Variants in LIMCH1 observed in about 807,000 individuals in gnomAD.
LIMCH1 encodes LIM and calponin homology domains 1.
In LIMCH1, 113 loss-of-function variants were observed where a neutral mutation model predicts 176.5. That is an observed-to-expected ratio of 0.64 (90% confidence interval 0.55 to 0.75). The LOEUF (loss-of-function observed/expected upper bound fraction) is 0.75. Ranked by LOEUF, LIMCH1 falls within the 30% of genes least tolerant of loss-of-function variation. The pLI, the probability that LIMCH1 is intolerant of heterozygous loss-of-function variation, is 0.00. For synonymous variants in LIMCH1, 619 were observed against 645.9 expected (o/e 0.96, Z 0.63); for missense variants, 1,674 against 1,814.9 (o/e 0.92, Z 1.41).
intron 1 of LIMCH1, among the ~76,000 whole-genome samples, chr4:41,428,745 T>C (rs1461689015): frequency 6.6e-6 from 1 of 152,126 alleles, no homozygotes; most frequent in African/African-American, 2.4e-5. Context: ...AGATTTCAGG[T>C]TGGATTGAGG....
intron 1 of LIMCH1, among the ~76,000 whole-genome samples, chr4:41,418,342 C>T (rs2060118948): frequency 6.6e-6 from 1 of 152,186 alleles, no homozygotes; most frequent in South Asian, 2.1e-4. Flanking sequence ...CGTTTTTCTC[C>T]ATTCACCTGG....
intron 1 of LIMCH1, among the ~76,000 whole-genome samples, chr4:41,575,704 T>C (rs377594173): frequency 1.3e-5 from 2 of 152,334 alleles, no homozygotes; most frequent in East Asian, 3.9e-4. Context: ...AAAGGAGCTG[T>C]GTCTTTTTTT....
intron 4 of LIMCH1, chr4:41,609,519 C>A (rs1196407117): frequency 5.0e-6 from 2 of 402,526 alleles, no homozygotes; most frequent in African/African-American, 4.1e-5. Context: ...TCAGGGTGAG[C>A]CACCTTACAA....
chr4:41,572,905 G>C (rs78509913), intron 1 of LIMCH1, among the ~76,000 whole-genome samples: 1 of 152,156 alleles, frequency 6.6e-6, no homozygotes, highest in African/African-American at 2.4e-5. Flanking sequence ...GTGACATCAC[G>C]GAAGTACCTA....
intron 1 of LIMCH1, among the ~76,000 whole-genome samples, chr4:41,562,016 T>C (rs918192706): frequency 6.6e-6 from 1 of 152,200 alleles, no homozygotes; most frequent in Non-Finnish European, 1.5e-5. Context: ...TCATTATTGC[T>C]TGTGGGTTTG....
chr4:41,482,822 T>G (rs1303917305), intron 1 of LIMCH1, among the ~76,000 whole-genome samples: 1 of 152,178 alleles, frequency 6.6e-6, no homozygotes, highest in African/African-American at 2.4e-5. Flanking sequence ...TTGGAGTAGG[T>G]TCCATTAGCA....
At chr4:41,683,313 C>T (rs1468385484) in intron 26 of LIMCH1, among the ~76,000 whole-genome samples, 1 of 152,130 alleles carries the variant, frequency 6.6e-6, no homozygotes. Flanking sequence ...CAGCTAGAGA[C>T]CCCCTGGAGC....
intron 1 of LIMCH1, among the ~76,000 whole-genome samples, chr4:41,421,549 C>T (rs996351521): frequency 3.9e-5 from 6 of 152,138 alleles, no homozygotes; most frequent in Non-Finnish European, 8.8e-5. Context: ...TGTTATCTCT[C>T]CTTTACATAT....
At chr4:41,437,979 G>C (rs1277044689) in intron 1 of LIMCH1, among the ~76,000 whole-genome samples, 1 of 152,188 alleles carries the variant, frequency 6.6e-6, no homozygotes, top group Non-Finnish European at 1.5e-5. Flanking sequence ...TCCATTCCAT[G>C]ATGCACTGAA....
intron 24 of LIMCH1, among the ~76,000 whole-genome samples, chr4:41,680,542 T>C (rs1714871939): frequency 1.3e-5 from 2 of 152,220 alleles, no homozygotes; most frequent in Admixed American, 1.3e-4. Context: ...TTGTTTAGGT[T>C]CATTTTGTTT....
At chr4:41,625,676 G>A (rs189533116) in intron 7 of LIMCH1, among the ~76,000 whole-genome samples, 6 of 152,224 alleles carry the variant, frequency 3.9e-5, no homozygotes, top group Non-Finnish European at 7.4e-5. Flanking sequence ...CACTTGAAAT[G>A]AGTCTTGCCA....
intron 1 of LIMCH1, among the ~76,000 whole-genome samples, chr4:41,405,957 A>T: frequency 6.6e-6 from 1 of 152,206 alleles, no homozygotes; most frequent in Non-Finnish European, 1.5e-5. Flanking sequence ...TTTTGTGTAT[A>T]GAATGTTCTA....
At chr4:41,433,185 A>C (rs1223667507) in intron 1 of LIMCH1, among the ~76,000 whole-genome samples, 1 of 152,204 alleles carries the variant, frequency 6.6e-6, no homozygotes, top group Non-Finnish European at 1.5e-5. Context: ...TAGTGAAAAA[A>C]CAAAGCACAA....
chr4:41,646,692 C>T lies in LIMCH1; in HGVS notation c.2619C>T (p.Tyr873=), dbSNP rs764224214. 2.5e-6 allele frequency: 4 copies of T among 1,614,190 alleles called. No homozygotes were observed. The South Asian group carries it at 4.4e-5, about 18-fold the overall frequency. The change falls in exon 17 of 32, where the codon TAC becomes TAT. Residue 873 remains tyrosine (Y), a synonymous_variant. Coordinates refer to ENST00000503057, the MANE Select transcript of LIMCH1 (RefSeq NM_001330672.2). ...TGAATGACCCCAATCCCATGAAATA[C>T]CTGCGGCAACAGTCACTGCCTCCAC... The part of the protein sequence containing the change: ...SFLNDPNPMK[Y]LRQQSLPPPK...
chr4:41,613,692 T>A (rs761142112), intron 5 of LIMCH1, 31 bp downstream of exon 5: 102 of 1,589,746 alleles, frequency 6.4e-5, no homozygotes, highest in Non-Finnish European at 8.5e-5. Flanking sequence ...ACTATCCATC[T>A]TGAAATTAAA....
intron 1 of LIMCH1, among the ~76,000 whole-genome samples, chr4:41,579,044 G>A (rs985051610): frequency 7.2e-6 from 1 of 139,168 alleles, no homozygotes; most frequent in African/African-American, 3.1e-5. Context: ...GAAGAAAAAT[G>A]TGTGATTTTT....
Position 41,633,113 on chromosome 4 carries a change from G to A in LIMCH1, c.1829+28G>A, listed in dbSNP as rs201460871. On this transcript the variant is annotated intron_variant, in intron 12 of 31. Transcript: ENST00000503057. ...GAGCATCTTGCCTGCGCTCTGCTCCGTGGTGTGTTGCCCCTGCTGTGTGTG... is the reference window on the plus strand; with the variant it reads ...GAGCATCTTGCCTGCGCTCTGCTCCATGGTGTGTTGCCCCTGCTGTGTGTG... The A allele has an allele frequency of 2.3e-5, 33 of 1,452,406 alleles. 1 individual carries two copies. The highest frequency in any genetic ancestry group is 3.7e-5 in the South Asian group (3 of 82,134). The allele number at this position is 1,452,406 out of a possible 1,614,324, so 90.0% of individuals were successfully genotyped here.
intron 1 of LIMCH1, among the ~76,000 whole-genome samples, chr4:41,427,369 A>G (rs2061211651): frequency 6.6e-6 from 1 of 152,186 alleles, no homozygotes; most frequent in Non-Finnish European, 1.5e-5. Flanking sequence ...TGCCAAGCTC[A>G]CAAATGATGG....
chr4:41,664,756 A>G (rs770338747), intron 20 of LIMCH1, among the ~76,000 whole-genome samples: 6 of 152,222 alleles, frequency 3.9e-5, no homozygotes, highest in Non-Finnish European at 7.3e-5. Context: ...CTCATCTTGG[A>G]GTTCATCTGT....
Sources: gnomAD v4.1 joint callset for allele counts (sites outside exome capture counted in the v4.1 genomes callset) on GRCh38, gnomAD v4.1.1 for gene constraint, MANE v1.5 for transcripts, NCBI Gene and HGNC (gene_info 2026-07-23, HGNC 2026-07-21) for gene names.